PPIP5K1: variants seen among roughly 807,000 people sequenced by gnomAD.
The protein encoded by PPIP5K1 is inositol hexakisphosphate and diphosphoinositol-pentakisphosphate kinase 1.
Under a neutral mutation model 27.7 loss-of-function variants are expected in PPIP5K1, and 6 were observed. The observed-to-expected ratio is 0.22, with a 90% confidence interval of 0.12 to 0.43. The LOEUF is 0.43. Ranked by LOEUF, PPIP5K1 falls within the 20% of genes least tolerant of loss-of-function variation. The pLI is 1.00. For missense variants in PPIP5K1, 394 were observed against 635.4 expected, an observed-to-expected ratio of 0.62 and a Z score of 4.08; for synonymous variants, 145 against 242.6, an observed-to-expected ratio of 0.60 and a Z score of 3.74.
intron 30 of PPIP5K1, among the ~76,000 whole-genome samples, chr15:43,551,288 C>T (rs900567314): frequency 2.6e-5 from 4 of 152,050 alleles, no homozygotes; most frequent in Non-Finnish European, 4.4e-5. Flanking sequence ...GAGGCCAAGG[C>T]GGGTGAATCA....
chr15:43,543,443 A>C lies in PPIP5K1; in HGVS notation c.3557-3860T>G, dbSNP rs563811017. ...ACAAACAAACAAACAAACAAACAAAACAAAAAAAAAACTCCTGGGATGGAG... is the reference window on the plus strand; with the variant it reads ...ACAAACAAACAAACAAACAAACAAACCAAAAAAAAAACTCCTGGGATGGAG... On this transcript the variant is annotated intron_variant, in intron 30 of 31. Transcript: ENST00000420765. Among the ~76,000 whole-genome samples the C allele has an allele frequency of 4.7e-3, 712 of 151,690 alleles. 8 individuals carry two copies. The highest frequency in any genetic ancestry group is 0.017 in the African/African-American group (683 of 41,312).
chr15:43,572,700 AGT>A, intron 23 of PPIP5K1, 67 bp downstream of exon 23: 2 of 550,026 alleles, frequency 3.6e-6, no homozygotes. Context: ...AGGATAAGCA[AGT>A]TTTTTTTTTT....
rs2083259961 is a variant in PPIP5K1 at position 43,558,160 on chromosome 15, C to T, written c.3556+635G>A. 2.7e-5 allele frequency among the ~76,000 whole-genome samples: 4 copies of T among 150,212 alleles called. No individual in the cohort carries two copies. The South Asian group carries it at 8.4e-4, about 32-fold the overall frequency. ...CATAGCAATCTCCGCCTCCTGGGCT[C>T]AAGCAGTTCTCCTAGCCTCCCAAGC... On this transcript the variant is annotated intron_variant, in intron 30 of 31. Coordinates refer to ENST00000420765, the MANE Select transcript of PPIP5K1 (RefSeq NM_001394395.1).
Position 43,535,178 on chromosome 15 carries a change from C to G in PPIP5K1, c.3969G>C (p.Gln1323His), listed in dbSNP as rs1257756170. The G allele has an allele frequency of 6.2e-7, 1 of 1,613,588 alleles. No homozygotes were observed. Among genetic ancestry groups the G allele is most frequent in the African/African-American group, 1.3e-5 (1 of 74,766 alleles). ...GCGCCTCAGAAATGTCCTGGCATGG[C>G]TGGCTGATGTCAGGGACCTCCTGAC... ...QPCQEVPDIS[Q>H]PCQDISEALS... Residue 1323 changes from glutamine (Q) to histidine (H), a missense_variant, in exon 32 of 32, where the codon CAG becomes CAC. This residue lies in a region of PPIP5K1 where 379 missense variants were observed against 423.9 expected (regional missense o/e 0.89). Transcript: ENST00000420765.
chr15:43,537,122 G>A (rs1288833434), intron 31 of PPIP5K1, among the ~76,000 whole-genome samples: 1 of 150,494 alleles, frequency 6.6e-6, no homozygotes, highest in Non-Finnish European at 1.5e-5. Context: ...AGATCACAAG[G>A]TCAGGAGTTC....
In PPIP5K1 at chr15:43,558,938, T is replaced by G; in HGVS notation, c.3419-6A>C. 1 of 1,612,828 alleles carries G rather than the reference T, an allele frequency of 6.2e-7. No homozygotes were observed. The highest frequency in any genetic ancestry group is 8.5e-7 in the Non-Finnish European group (1 of 1,179,908). On this transcript the variant is annotated splice_region_variant and splice_polypyrimidine_tract_variant and intron_variant, in intron 29 of 31. Transcript: ENST00000420765. ...CATGGAACACCCTTCAAACCCTGTT[T>G]GAAAAGAGATGGGCAAAGTCAATGT...
chr15:43,558,604 G>A (rs1236709790), intron 30 of PPIP5K1, among the ~76,000 whole-genome samples, 191 bp downstream of exon 30: 1 of 152,042 alleles, frequency 6.6e-6, no homozygotes, highest in African/African-American at 2.4e-5. Flanking sequence ...TGATCCACCT[G>A]CCTCGGCCTC....
rs931941809 is a variant in PPIP5K1, at chr15:43,533,885, C to A, written c.*789G>T. On this transcript the variant is annotated 3_prime_UTR_variant, in exon 32 of 32. Transcript: ENST00000420765. The stretch of plus-strand genomic sequence containing the variant: ...CTCTAGAGCATTTTAAGTAGTTGCT[C>A]TGAATTTTGCACAGCAGTCTAATAC... 2 of 152,146 alleles carry A rather than the reference C, an allele frequency of 1.3e-5. No homozygotes were observed. Among genetic ancestry groups the A allele is most frequent in the Non-Finnish European group, 2.9e-5 (2 of 68,046 alleles). The allele number at this position is 152,146 out of a possible 1,614,324, so 9.4% of individuals were successfully genotyped here.
chr15:43,540,594 G>C (rs949434448), intron 30 of PPIP5K1, among the ~76,000 whole-genome samples: 11 of 152,030 alleles, frequency 7.2e-5, no homozygotes, highest in African/African-American at 2.7e-4. Flanking sequence ...CTATTTAGGA[G>C]GCTGAGGCAG....
chr15:43,555,637 C>T (rs907439098), intron 30 of PPIP5K1, among the ~76,000 whole-genome samples: 2 of 148,666 alleles, frequency 1.3e-5, no homozygotes, highest in Non-Finnish European at 3.0e-5. Context: ...GATGGAGTCT[C>T]GCTGTGTTGC....
intron 30 of PPIP5K1, among the ~76,000 whole-genome samples, chr15:43,546,299 T>C (rs562465581): frequency 6.6e-6 from 1 of 152,354 alleles, no homozygotes; most frequent in Admixed American, 6.5e-5. Context: ...CAGTTGTTTT[T>C]ACCTTTTGAC....
At chr15:43,539,714 G>T in intron 30 of PPIP5K1, 131 bp from the exon 31 acceptor site, 1 of 597,968 alleles carries the variant, frequency 1.7e-6, no homozygotes, top group East Asian at 2.9e-5. Flanking sequence ...CATTTCCTGG[G>T]GACCCTTCAA....
Position 43,534,960 on chromosome 15 carries a change from C to T in PPIP5K1, c.4187G>A (p.Cys1396Tyr), listed in dbSNP as rs746137105. 63 of 1,614,052 alleles carry T rather than the reference C, an allele frequency of 3.9e-5. No homozygotes were observed. The highest frequency in any genetic ancestry group is 2.8e-4 in the Admixed American group (17 of 59,998). ...GCCAACCTCCACAGAGACCCCCTGG[C>T]ATGGCTGGCTGACCTCCTCGGAGTT... Reference protein sequence around the residue: ...LENSEEVSQPCQGVSVEVGKL... With the variant: ...LENSEEVSQPYQGVSVEVGKL... The change falls in exon 32 of 32, where the codon TGC becomes TAC. Residue 1396 changes from cysteine to tyrosine, a missense_variant. Cys to Tyr is a radical substitution (Grantham distance 194, BLOSUM62 -2). Transcript: ENST00000420765.
intron 9 of PPIP5K1, 50 bp from the exon 10 acceptor site, chr15:43,581,173 C>T: frequency 1.3e-6 from 2 of 1,550,100 alleles, no homozygotes; most frequent in South Asian, 2.3e-5. Context: ...TCTTCCCGGA[C>T]CCCTGTTCCT....
At position 43,542,308 on chromosome 15, in the gene PPIP5K1, G is replaced by C. The variant is rs577340460; in HGVS notation, c.3557-2725C>G. ...TTATTTACTTAATTTTGGCGGGGGG[G>C]GGGGGCAGAGTCTTGCTCTGTCACC... On this transcript the variant is annotated intron_variant, in intron 30 of 31. Transcript: ENST00000420765. 4.8e-4 allele frequency among the ~76,000 whole-genome samples: 73 copies of C among 151,252 alleles called. 1 individual carries two copies. Among genetic ancestry groups the C allele is most frequent in the African/African-American group, 1.7e-3 (71 of 41,198 alleles).
chr15:43,547,912 G>T (rs1324915072), intron 30 of PPIP5K1, among the ~76,000 whole-genome samples: 1 of 152,164 alleles, frequency 6.6e-6, no homozygotes, highest in African/African-American at 2.4e-5. Flanking sequence ...GATAGGGATT[G>T]CATTAAATCC....
In PPIP5K1 at chr15:43,535,483, A is replaced by G; in HGVS notation, c.3671-7T>C. 1.3e-6 allele frequency: 2 copies of G among 1,548,824 alleles called. No homozygotes were observed. Among genetic ancestry groups the G allele is most frequent in the Non-Finnish European group, 1.7e-6 (2 of 1,151,336 alleles). ...CTAGAAGGGCCACTGCTGTCTGTAA[A>G]GCAAAGTCAAGAGATCAAGTTAGAG... On this transcript the variant is annotated splice_polypyrimidine_tract_variant and splice_region_variant and intron_variant, in intron 31 of 31. Coordinates refer to ENST00000420765, the MANE Select transcript of PPIP5K1 (RefSeq NM_001394395.1).
In PPIP5K1 at chr15:43,558,880, A is replaced by T; in HGVS notation, c.3471T>A (p.His1157Gln). The T allele has an allele frequency of 6.2e-7, 1 of 1,614,002 alleles. No homozygotes were observed. Among genetic ancestry groups the T allele is most frequent in the Non-Finnish European group, 8.5e-7 (1 of 1,180,000 alleles). The change falls in exon 30 of 32, where the codon CAT becomes CAA. Residue 1157 changes from histidine (H) to glutamine (Q), a missense_variant. Transcript: ENST00000420765. ...TCACTTGACGTAGGGAAAGGGCATT[A>T]TGCAGTGTTTCCAGAGGGTAGATGG... is the stretch of plus-strand genomic sequence containing the variant. ...VPTIYPLETL[H>Q]NALSLRQVSE...
chr15:43,537,344 C>T (rs1200863947), intron 31 of PPIP5K1: 1 of 78,250 alleles, frequency 1.3e-5, no homozygotes, highest in Non-Finnish European at 2.2e-5. Context: ...GACTCCACCT[C>T]AAAAAAAAAA....
Sources: gnomAD v4.1 joint callset for allele counts (sites outside exome capture counted in the v4.1 genomes callset) on GRCh38, gnomAD v4.1.1 for gene constraint, gnomAD v4.1.1 regional missense constraint, MANE v1.5 for transcripts, NCBI Gene and HGNC (gene_info 2026-07-23, HGNC 2026-07-21) for gene names.